FOXRED2: variants seen among roughly 807,000 people sequenced by gnomAD.
The protein encoded by FOXRED2 is FAD-dependent oxidoreductase domain-containing protein 2.
FOXRED2 carries 32 observed loss-of-function variants against 52.5 expected under a neutral mutation model. The ratio of observed to expected loss-of-function variants is 0.61; its 90% CI spans 0.46 to 0.82. The LOEUF (loss-of-function observed/expected upper bound fraction) is 0.82. Ranked by LOEUF, FOXRED2 falls within the 40% of genes least tolerant of loss-of-function variation. The pLI, the probability that FOXRED2 is intolerant of heterozygous loss-of-function variation, is 0.00. For missense variants in FOXRED2, 848 were observed against 937.5 expected (o/e 0.90, Z 1.25); for synonymous variants, 405 against 398.1 (o/e 1.02, Z -0.21).
At position 36,506,100 on chromosome 22, in the gene FOXRED2, C is replaced by T. The variant is rs1346696402; in HGVS notation, c.323G>A (p.Arg108Gln). Reference sequence around the variant, plus strand: ...ACGCGAGTAGTGTCTGAAGAGCAGCCGGGGGTCGTGGCTGAGCAGAGAGTT... The same window carrying T: ...ACGCGAGTAGTGTCTGAAGAGCAGCTGGGGGTCGTGGCTGAGCAGAGAGTT... ...DWNSLLSHDP[R>Q]LLFRHYSRAY... The change falls in exon 2 of 9, where the codon CGG becomes CAG. Residue 108 changes from arginine (R) to glutamine (Q), a missense_variant. Coordinates refer to ENST00000397224, the MANE Select transcript of FOXRED2 (RefSeq NM_001102371.2). 6.2e-6 allele frequency: 10 copies of T among 1,614,108 alleles called. No homozygotes were observed. In the East Asian group the frequency reaches 6.7e-5, roughly 11 times the overall value.
At chr22:36,499,093 G>A (rs551094780) in intron 5 of FOXRED2, among the ~76,000 whole-genome samples, 2 of 152,108 alleles carry the variant, frequency 1.3e-5, no homozygotes, top group South Asian at 2.1e-4. Context: ...GCTAATTTTT[G>A]TATTTTTAGT....
In FOXRED2 at chr22:36,504,691, G is replaced by A. The variant is rs779079459; in HGVS notation, c.603C>T (p.Tyr201=). ...DFPGSEYAEG[Y]ESVSVDPEDF... ...CCTCAGGGTCCACGGACACGGACTC[G>A]TAACCCTCTGCATATTCGGAGCCAG... Residue 201 remains tyrosine (Y), a synonymous_variant, in exon 3 of 9, where the codon TAC becomes TAT. Transcript: ENST00000397224. 25 of 1,614,036 alleles carry A rather than the reference G, an allele frequency of 1.5e-5. No homozygotes were observed. In the Middle Eastern group the frequency reaches 8.2e-4, roughly 53 times the overall value.
In FOXRED2 at chr22:36,488,615, CTT is replaced by C. The variant is rs71749095; in HGVS notation, c.*1391_*1392del. On this transcript the variant is annotated 3_prime_UTR_variant, in exon 9 of 9. Transcript: ENST00000397224. The stretch of plus-strand genomic sequence containing the variant: ...TTATTTTTTGAGATGGAGTTTCCCT[CTT>C]GTTACCTAGGCTGGAGTGCAATGGC... 1.1e-4 allele frequency: 16 copies of C among 149,428 alleles called. No individual in the cohort carries two copies. Among genetic ancestry groups the C allele is most frequent in the African/African-American group, 3.0e-4 (12 of 40,650 alleles). 9.3% of individuals were successfully genotyped at this position (149,428 alleles called of 1,614,324 possible).
At position 36,504,009 on chromosome 22, in the gene FOXRED2, G is replaced by A. The variant is rs924367559; in HGVS notation, c.1049+89C>T. 7 of 1,387,702 alleles carry A rather than the reference G, an allele frequency of 5.0e-6. No homozygotes were observed. The African/African-American group carries it at 5.7e-5, about 11-fold the overall frequency. 86.0% of individuals were successfully genotyped at this position (1,387,702 alleles called of 1,614,324 possible). On this transcript the variant is annotated intron_variant, in intron 4 of 8. Coordinates refer to ENST00000397224, the MANE Select transcript of FOXRED2 (RefSeq NM_001102371.2). Reference sequence around the variant, plus strand: ...TGGGTGCTGTCCTGAGAGCTCTGTCGCCAGCCTACTGAACAGCCACCCTGT... The same window carrying A: ...TGGGTGCTGTCCTGAGAGCTCTGTCACCAGCCTACTGAACAGCCACCCTGT...
chr22:36,498,262 T>C, intron 5 of FOXRED2, 106 bp from the exon 6 acceptor site: 1 of 1,329,852 alleles, frequency 7.5e-7, no homozygotes, highest in Admixed American at 2.3e-5. Context: ...CCATACACAC[T>C]GGTCTCCATG....
In FOXRED2 at chr22:36,495,979, A is replaced by G; in HGVS notation, c.1612T>C (p.Tyr538His). 1 of 1,614,122 alleles carries G rather than the reference A, an allele frequency of 6.2e-7. No homozygotes were observed. Among genetic ancestry groups the G allele is most frequent in the Non-Finnish European group, 8.5e-7 (1 of 1,179,964 alleles). Residue 538 changes from tyrosine (Y) to histidine (H), a missense_variant, in exon 7 of 9, where the codon TAC (tyrosine) becomes CAC (histidine). Coordinates refer to ENST00000397224, the MANE Select transcript of FOXRED2 (RefSeq NM_001102371.2). Reference protein sequence around the residue: ...FLHPVIYYYRYLPTEQEVRFR... With the variant: ...FLHPVIYYYRHLPTEQEVRFR... ...GAGACCTGCTCACCGGTGGGGAGGT[A>G]TCTATAGTAGTAGATGACAGGATGA...
rs1934147025 is a variant in FOXRED2 at position 36,504,665 on chromosome 22, T to G, written c.629A>C (p.Asp210Ala). Residue 210 changes from aspartate to alanine, a missense_variant, in exon 3 of 9, where the codon GAC (aspartate) becomes GCC (alanine). Asp to Ala is a moderately radical substitution (Grantham distance 126). Coordinates refer to ENST00000397224, the MANE Select transcript of FOXRED2 (RefSeq NM_001102371.2). ...GATCAGCACATTCTGGCCTACAAAG[T>G]CCTCAGGGTCCACGGACACGGACTC... is the stretch of plus-strand genomic sequence containing the variant. ...GYESVSVDPE[D>A]FVGQNVLILG... 1 of 1,613,906 alleles carries G rather than the reference T, an allele frequency of 6.2e-7. No individual in the cohort carries two copies. The highest frequency in any genetic ancestry group is 1.7e-5 in the Admixed American group (1 of 59,974).
chr22:36,495,822 T>C, intron 7 of FOXRED2, 145 bp downstream of exon 7: 1 of 851,086 alleles, frequency 1.2e-6, no homozygotes, highest in Non-Finnish European at 1.9e-6. Context: ...TCGGACCTTC[T>C]GCCCAAGTGG....
chr22:36,494,451 T>C (rs752031991), intron 7 of FOXRED2, among the ~76,000 whole-genome samples: 1 of 151,978 alleles, frequency 6.6e-6, no homozygotes, highest in Non-Finnish European at 1.5e-5. Context: ...CTGGCCTTTC[T>C]CTGAGAAGAC....
rs766315959 is a variant in FOXRED2 at position 36,506,165 on chromosome 22, C to A, written c.258G>T (p.Thr86=). ...GGTTGAACTCGGCGTTAGCCTTGCCCGTGTACCGCTTGTTGATGCTGATGA... is the reference window on the plus strand; with the variant it reads ...GGTTGAACTCGGCGTTAGCCTTGCCAGTGTACCGCTTGTTGATGCTGATGA... ...RKLISINKRY[T]GKANAEFNLR... Residue 86 remains threonine (T), a synonymous_variant, in exon 2 of 9, where the codon ACG becomes ACT. Coordinates refer to ENST00000397224, the MANE Select transcript of FOXRED2 (RefSeq NM_001102371.2). The A allele has an allele frequency of 6.2e-7, 1 of 1,614,254 alleles. No individual in the cohort carries two copies. Among genetic ancestry groups the A allele is most frequent in the Non-Finnish European group, 8.5e-7 (1 of 1,180,040 alleles).
Position 36,493,778 on chromosome 22 carries a change from T to G in FOXRED2, c.1650A>C (p.Ala550=). The change falls in exon 8 of 9, where the codon GCA becomes GCC. Residue 550 remains alanine (A), a synonymous_variant. Transcript: ENST00000397224. The part of the protein sequence containing the change: ...PTEQEVRFRP[A]HWPLPRPTAI... ...CCGTGGGCCGAGGCAGGGGCCAGTG[T>G]GCAGGGCGGAACCTCACCTCCTGTT... The G allele has an allele frequency of 6.2e-7, 1 of 1,614,202 alleles. No individual in the cohort carries two copies. The highest frequency in any genetic ancestry group is 8.5e-7 in the Non-Finnish European group (1 of 1,180,014).
At chr22:36,494,784 C>G (rs373255831) in intron 7 of FOXRED2, among the ~76,000 whole-genome samples, 1 of 151,820 alleles carries the variant, frequency 6.6e-6, no homozygotes, top group African/African-American at 2.4e-5. Flanking sequence ...GGACTACAGG[C>G]GCACGCCACC....
chr22:36,504,437 G>T, intron 3 of FOXRED2, 70 bp from the exon 4 acceptor site: 1 of 1,608,034 alleles, frequency 6.2e-7, no homozygotes, highest in South Asian at 1.1e-5. Context: ...GGGTCAGGAA[G>T]GGCAGGGGAG....
At chr22:36,504,834 C>T in intron 2 of FOXRED2, 68 bp from the exon 3 acceptor site, 1 of 1,545,542 alleles carries the variant, frequency 6.5e-7, no homozygotes, top group African/African-American at 1.4e-5. Flanking sequence ...GAAAACCACT[C>T]CCTGGACCCA....
rs548972034 is a variant in FOXRED2, at chr22:36,494,417, C to T, written c.1625-614G>A. 7.2e-5 allele frequency among the ~76,000 whole-genome samples: 11 copies of T among 152,134 alleles called. No homozygotes were observed. In the South Asian group the frequency reaches 8.3e-4, roughly 11 times the overall value. On this transcript the variant is annotated intron_variant, in intron 7 of 8. Coordinates refer to ENST00000397224, the MANE Select transcript of FOXRED2 (RefSeq NM_001102371.2). ...CTGGGATTACAGGCATGAGCCACTG[C>T]GCCTGGCTGTGGCTGCTTTCAAACT...
chr22:36,488,091 CAAAAAAAA>C lies in FOXRED2; in HGVS notation c.*1909_*1916del. Reference sequence around the variant, plus strand: ...TGGGTGACAAGAGCGAAATCCATTGCAAAAAAAAAAAAAAAGAAAAAGAAAAAGTCTGG... The same window carrying C: ...TGGGTGACAAGAGCGAAATCCATTGCAAAAAAAGAAAAAGAAAAAGTCTGG... On this transcript the variant is annotated 3_prime_UTR_variant, in exon 9 of 9. Transcript: ENST00000397224. The C allele has an allele frequency of 8.0e-6, 1 of 125,220 alleles. No homozygotes were observed. The highest frequency in any genetic ancestry group is 3.0e-5 in the African/African-American group (1 of 33,334). 7.8% of individuals were successfully genotyped at this position (125,220 alleles called of 1,614,324 possible).
chr22:36,487,909 T>C lies in FOXRED2; in HGVS notation c.*2099A>G, dbSNP rs1363169821. On this transcript the variant is annotated 3_prime_UTR_variant, in exon 9 of 9. Coordinates refer to ENST00000397224, the MANE Select transcript of FOXRED2 (RefSeq NM_001102371.2). ...GAGTTCGAGACCAGCCTGGCCAATG[T>C]GGTGAAACCCTGTCTCTACTAAAAA... 4 of 152,030 alleles carry C rather than the reference T, an allele frequency of 2.6e-5. No homozygotes were observed. The highest frequency in any genetic ancestry group is 5.9e-5 in the Non-Finnish European group (4 of 68,046). The allele number at this position is 152,030 out of a possible 1,614,324, so 9.4% of individuals were successfully genotyped here. A position where few individuals can be genotyped will look rare whatever the true frequency, so the allele number is the denominator to read the frequency against.
At chr22:36,502,177 A>AAACG in intron 4 of FOXRED2, among the ~76,000 whole-genome samples, 1 of 149,206 alleles carries the variant, frequency 6.7e-6, no homozygotes, top group Non-Finnish European at 1.5e-5. Context: ...TCAAACAAAC[A>AAACG]AACAAACAAA....
chr22:36,503,967 C>T (rs1934119098), intron 4 of FOXRED2, 131 bp downstream of exon 4: 2 of 1,019,652 alleles, frequency 2.0e-6, no homozygotes, highest in Admixed American at 4.4e-5. Flanking sequence ...AATCAGGCAG[C>T]ACTCACATCC....
Sources: allele counts gnomAD v4.1 joint callset (sites outside exome capture counted in the v4.1 genomes callset), GRCh38; gene constraint gnomAD v4.1.1; transcripts MANE v1.5; gene names NCBI Gene and HGNC (gene_info 2026-07-23, HGNC 2026-07-21).